Variants in ENTREP2 observed in about 807,000 individuals in gnomAD.
The protein encoded by ENTREP2 is protein ENTREP2.
chr15:29,579,406 C>G, the ENTREP2 span, among the ~76,000 whole-genome samples: 2 of 151,998 alleles, frequency 1.3e-5, no homozygotes, highest in Admixed American at 6.6e-5. Flanking sequence ...TGCAAGCAAG[C>G]TATATGTTCA....
the ENTREP2 span, among the ~76,000 whole-genome samples, chr15:29,611,979 C>T: frequency 6.6e-6 from 1 of 152,172 alleles, no homozygotes; most frequent in African/African-American, 2.4e-5. Flanking sequence ...TTTATCTGGG[C>T]AATCAAATTC....
the ENTREP2 span, among the ~76,000 whole-genome samples, chr15:29,612,412 C>T: frequency 1.3e-5 from 2 of 151,896 alleles, no homozygotes; most frequent in African/African-American, 2.4e-5. Flanking sequence ...AACATCCCAG[C>T]GTGGCCCCTC....
the ENTREP2 span, chr15:29,269,660 C>T: frequency 6.4e-7 from 1 of 1,564,042 alleles, no homozygotes; most frequent in Non-Finnish European, 8.6e-7. Flanking sequence ...CTGTCCCTCT[C>T]GGCCTGGCCG....
At chr15:29,529,669 A>T in the ENTREP2 span, among the ~76,000 whole-genome samples, 1 of 152,104 alleles carries the variant, frequency 6.6e-6, no homozygotes, top group Non-Finnish European at 1.5e-5. Context: ...GAGCACCCAA[A>T]TATACAGAAT....
chr15:29,491,649 ATC>A, the ENTREP2 span, among the ~76,000 whole-genome samples: 1 of 152,186 alleles, frequency 6.6e-6, no homozygotes, highest in African/African-American at 2.4e-5. Flanking sequence ...CAAGAAAGAA[ATC>A]TCTGTATTTT....
the ENTREP2 span, among the ~76,000 whole-genome samples, chr15:29,231,383 C>T: frequency 6.6e-6 from 1 of 152,130 alleles, no homozygotes; most frequent in Non-Finnish European, 1.5e-5. Context: ...AATGGCCTTA[C>T]CATTTACCCT....
the ENTREP2 span, among the ~76,000 whole-genome samples, chr15:29,490,239 T>C: frequency 6.6e-5 from 10 of 152,266 alleles, no homozygotes; most frequent in East Asian, 1.9e-3. Flanking sequence ...TTCTTCCTTC[T>C]CTCCCAATGG....
chr15:29,403,326 A>G, the ENTREP2 span, among the ~76,000 whole-genome samples: 1 of 152,188 alleles, frequency 6.6e-6, no homozygotes, highest in East Asian at 1.9e-4. Context: ...TTGTCAGAAA[A>G]AAGTATGAAG....
the ENTREP2 span, among the ~76,000 whole-genome samples, chr15:29,615,654 G>A: frequency 6.6e-6 from 1 of 152,136 alleles, no homozygotes; most frequent in Admixed American, 6.5e-5. Flanking sequence ...CAAGATGAGA[G>A]GGGATGGGGC....
At chr15:29,573,851 T>C in the ENTREP2 span, among the ~76,000 whole-genome samples, 76,987 of 151,956 alleles carry the variant, frequency 0.51, 21,726 homozygotes, top group Non-Finnish European at 0.65. Context: ...CCAAAAATTT[T>C]TATTTCATAC....
chr15:29,317,100 C>A, the ENTREP2 span, among the ~76,000 whole-genome samples: 6 of 152,206 alleles, frequency 3.9e-5, no homozygotes, highest in South Asian at 2.1e-4. Flanking sequence ...AAGAATGAAG[C>A]CTTTTGGTTT....
At chr15:29,269,269 TCAAGTTC>T in the ENTREP2 span, 1 of 1,614,124 alleles carries the variant, frequency 6.2e-7, no homozygotes, top group Admixed American at 1.7e-5. Context: ...GCTCTTGGGT[TCAAGTTC>T]CACCAGCTTA....
the ENTREP2 span, chr15:29,381,781 G>C: frequency 2.3e-5 from 35 of 1,551,280 alleles, no homozygotes; most frequent in Non-Finnish European, 2.9e-5. Context: ...TTACCACAAG[G>C]GAGAGAGGCC....
the ENTREP2 span, among the ~76,000 whole-genome samples, chr15:29,128,434 C>G: frequency 6.6e-6 from 1 of 152,098 alleles, no homozygotes; most frequent in Non-Finnish European, 1.5e-5. Flanking sequence ...GACATTTGCC[C>G]GGTAGGTACA....
At chr15:29,145,636 A>C in the ENTREP2 span, among the ~76,000 whole-genome samples, 1 of 150,942 alleles carries the variant, frequency 6.6e-6, no homozygotes, top group Non-Finnish European at 1.5e-5. Flanking sequence ...AAAAAAAAAA[A>C]AAAAAAAAAC....
At chr15:29,275,207 T>C in the ENTREP2 span, among the ~76,000 whole-genome samples, 2 of 152,208 alleles carry the variant, frequency 1.3e-5, no homozygotes, top group African/African-American at 4.8e-5. Context: ...AGAAAGATGT[T>C]CACTGCAGCA....
the ENTREP2 span, among the ~76,000 whole-genome samples, chr15:29,368,043 C>G: frequency 6.7e-6 from 1 of 149,072 alleles, no homozygotes; most frequent in Non-Finnish European, 1.5e-5. Flanking sequence ...TGATCCCTGG[C>G]CTGGCACAGT....
the ENTREP2 span, among the ~76,000 whole-genome samples, chr15:29,477,856 GTCAA>G: frequency 6.6e-6 from 1 of 151,698 alleles, no homozygotes; most frequent in Non-Finnish European, 1.5e-5. Flanking sequence ...GCCCTCACTG[GTCAA>G]TCACTGTCCT....
chr15:29,372,612 C>T, the ENTREP2 span, among the ~76,000 whole-genome samples: 1 of 152,144 alleles, frequency 6.6e-6, no homozygotes, highest in Non-Finnish European at 1.5e-5. Context: ...TCTATAAAAT[C>T]AATGCAATCA....
Sources: gnomAD v4.1 joint callset for allele counts (sites outside exome capture counted in the v4.1 genomes callset) on GRCh38, gnomAD v4.1.1 for gene constraint, MANE v1.5 for transcripts, NCBI Gene and HGNC (gene_info 2026-07-23, HGNC 2026-07-21) for gene names.